KCNH1: variants seen among roughly 807,000 people sequenced by gnomAD.
KCNH1 encodes voltage-gated delayed rectifier potassium channel KCNH1.
Under a neutral mutation model 69.2 loss-of-function variants are expected in KCNH1, and 27 were observed. The observed-to-expected ratio is 0.39, with a 90% CI of 0.29 to 0.54. The LOEUF (loss-of-function observed/expected upper bound fraction) is 0.54. KCNH1 is among the 20% of genes least tolerant of loss of function. The probability of loss-of-function intolerance (pLI) is 0.68; values close to 1 mark genes in which losing one functional copy is unlikely to be tolerated. For synonymous variants in KCNH1, 456 were observed against 487.7 expected (o/e 0.93, Z 0.86); for missense variants, 798 against 1,261.6 (o/e 0.63, Z 5.57).
At position 210,683,744 on chromosome 1, in the gene KCNH1, C is replaced by G; in HGVS notation, c.2507G>C (p.Ser836Thr). ...GGGGDCAKRK[S>T]WARFKDACGK... is the part of the protein sequence containing the mutation. ...GCAAGCATCTTTGAAGCGGGCCCAGCTTTTGCGCTTGGCACAATCGCCCCC... is the reference window on the plus strand; with the variant it reads ...GCAAGCATCTTTGAAGCGGGCCCAGGTTTTGCGCTTGGCACAATCGCCCCC... Residue 836 changes from serine to threonine, a missense_variant, in exon 11 of 11, where the codon AGC becomes ACC. By Grantham distance (58) the Ser-to-Thr change is moderately conservative (BLOSUM62 1). This residue lies in a region of KCNH1 where 331 missense variants were observed against 363.2 expected (regional missense o/e 0.91). Transcript: ENST00000271751. The surrounding 1 kb of genome is among the most constrained non-coding windows in gnomAD (Gnocchi z 5.7). The G allele has an allele frequency of 1.2e-6, 2 of 1,614,170 alleles. No homozygotes were observed. Among genetic ancestry groups the G allele is most frequent in the South Asian group, 1.1e-5 (1 of 91,090 alleles).
chr1:210,842,773 G>A (rs1685438351), intron 7 of KCNH1, among the ~76,000 whole-genome samples: 1 of 151,928 alleles, frequency 6.6e-6, no homozygotes, highest in African/African-American at 2.4e-5. Context: ...TTTACCACTG[G>A]CATTACTGGC....
At chr1:211,093,088 C>T (rs1285966741) in intron 3 of KCNH1, among the ~76,000 whole-genome samples, 1 of 152,188 alleles carries the variant, frequency 6.6e-6, no homozygotes, top group Non-Finnish European at 1.5e-5. Flanking sequence ...GAACCCTCCC[C>T]TCCCAGCTGC....
chr1:210,693,264 A>G (rs1017788942), intron 10 of KCNH1, among the ~76,000 whole-genome samples: 3 of 152,146 alleles, frequency 2.0e-5, no homozygotes, highest in African/African-American at 4.8e-5. Context: ...TTATAAACCA[A>G]TGCTGCTTTT....
At chr1:210,946,081 T>C (rs569138366) in intron 6 of KCNH1, among the ~76,000 whole-genome samples, 12 of 152,362 alleles carry the variant, frequency 7.9e-5, no homozygotes, top group African/African-American at 2.6e-4. Context: ...ATAGCATCCA[T>C]GTAGCACTTC....
chr1:210,861,058 T>C (rs1324559453), intron 7 of KCNH1: 1 of 960,494 alleles, frequency 1.0e-6, no homozygotes, highest in African/African-American at 1.6e-5. Context: ...TCTTTTGAAG[T>C]ACCTCCTTCC....
chr1:211,122,864 C>T (rs1344076930), intron 1 of KCNH1, among the ~76,000 whole-genome samples: 1 of 151,194 alleles, frequency 6.6e-6, no homozygotes, highest in Admixed American at 6.6e-5. Context: ...CAGAATGGGT[C>T]GATAGGTGCA....
chr1:211,050,802 G>A (rs758127807), intron 5 of KCNH1, among the ~76,000 whole-genome samples: 1 of 152,094 alleles, frequency 6.6e-6, no homozygotes, highest in African/African-American at 2.4e-5. Flanking sequence ...ATGAGCAGAG[G>A]AAGGAGTTAA....
In KCNH1 at chr1:210,683,631, G is replaced by A. The variant is rs762954106; in HGVS notation, c.2620C>T (p.Leu874=). 1.1e-5 allele frequency: 18 copies of A among 1,614,098 alleles called. No homozygotes were observed. The highest frequency in any genetic ancestry group is 6.7e-5 in the Admixed American group (4 of 60,012). ...ERTKASGEAT[L]KKTDSCDSGI... ...CTGTCACACGAGTCTGTCTTCTTCAGTGTGGCCTCGCCTGACGCTTTTGTC... is the reference window on the plus strand; with the variant it reads ...CTGTCACACGAGTCTGTCTTCTTCAATGTGGCCTCGCCTGACGCTTTTGTC... The change falls in exon 11 of 11, where the codon CTG becomes TTG. Residue 874 remains leucine (L), a synonymous_variant. Coordinates refer to ENST00000271751, the MANE Select transcript of KCNH1 (RefSeq NM_172362.3). The surrounding 1 kb of genome is among the most constrained non-coding windows in gnomAD (Gnocchi z 5.7).
intron 6 of KCNH1, among the ~76,000 whole-genome samples, chr1:210,931,449 A>C (rs984091676): frequency 2.0e-5 from 3 of 152,142 alleles, no homozygotes; most frequent in African/African-American, 4.8e-5. Flanking sequence ...TCTCACTCAC[A>C]TGTGGGAGCT....
chr1:210,944,018 C>T (rs1687917036), intron 6 of KCNH1, among the ~76,000 whole-genome samples: 1 of 152,096 alleles, frequency 6.6e-6, no homozygotes, highest in South Asian at 2.1e-4. Context: ...AGAAATAAAA[C>T]AAAGTAGGCA....
In KCNH1 at chr1:210,797,706, G is replaced by A. The variant is rs1684345922; in HGVS notation, c.1717C>T (p.Arg573Cys). The A allele has an allele frequency of 4.3e-6, 7 of 1,614,180 alleles. No individual in the cohort carries two copies. The highest frequency in any genetic ancestry group is 5.1e-6 in the Non-Finnish European group (6 of 1,180,024). Reference protein sequence around the residue: ...MRADICVHLNRKVFKEHPAFR... With the variant: ...MRADICVHLNCKVFKEHPAFR... ...GCCGGGTGCTCCTTGAACACCTTGC[G>A]GTTCAGGTGCACGCAGATGTCGGCT... The change falls in exon 9 of 11, where the codon CGC becomes TGC. Residue 573 changes from arginine (R) to cysteine (C), a missense_variant. This residue lies in a region of KCNH1 where 197 missense variants were observed against 407.7 expected (regional missense o/e 0.48). Coordinates refer to ENST00000271751, the MANE Select transcript of KCNH1 (RefSeq NM_172362.3).
intron 10 of KCNH1, among the ~76,000 whole-genome samples, chr1:210,733,153 G>A (rs1251895578): frequency 1.3e-5 from 2 of 152,210 alleles, no homozygotes; most frequent in East Asian, 3.9e-4. Flanking sequence ...CTTTCATATG[G>A]CCTATTTTTT....
chr1:210,757,274 G>A (rs1574237287), intron 10 of KCNH1, among the ~76,000 whole-genome samples: 3 of 152,094 alleles, frequency 2.0e-5, no homozygotes, highest in South Asian at 2.1e-4. Context: ...AGGACTTGAC[G>A]AATGATGGCA....
At chr1:211,004,395 CA>C (rs1238753552) in intron 6 of KCNH1, among the ~76,000 whole-genome samples, 1 of 151,954 alleles carries the variant, frequency 6.6e-6, no homozygotes, top group Non-Finnish European at 1.5e-5. Context: ...AAAATAATAA[CA>C]TATAAGAAAG....
At chr1:210,764,870 A>G (rs915731645) in intron 10 of KCNH1, among the ~76,000 whole-genome samples, 3 of 152,218 alleles carry the variant, frequency 2.0e-5, no homozygotes, top group Admixed American at 2.0e-4. Context: ...ATAAACCCAA[A>G]GGAAAATAAA....
chr1:210,787,621 A>T (rs1235565468), intron 9 of KCNH1, among the ~76,000 whole-genome samples: 1 of 152,184 alleles, frequency 6.6e-6, no homozygotes, highest in African/African-American at 2.4e-5. Flanking sequence ...CTTTGAGGAG[A>T]AGATAGGTCC....
At chr1:210,858,722 G>A (rs1685910751) in intron 7 of KCNH1, 1 of 159,214 alleles carries the variant, frequency 6.3e-6, no homozygotes. Context: ...GGAAGAGACA[G>A]AAATTGGACA....
At chr1:210,964,696 T>C (rs1688365709) in intron 6 of KCNH1, among the ~76,000 whole-genome samples, 1 of 152,176 alleles carries the variant, frequency 6.6e-6, no homozygotes, top group Non-Finnish European at 1.5e-5. Flanking sequence ...GTACCATTCC[T>C]TCTGAAACTA....
chr1:210,956,974 C>T lies in KCNH1; in HGVS notation c.1033-36905G>A, dbSNP rs575852674. ...CTGCTAACTTTTGAATTTGTTTGGT[C>T]TTGCTTCTGTAGTTCTTTTAATTGT... On this transcript the variant is annotated intron_variant, in intron 6 of 10. Transcript: ENST00000271751. Among the ~76,000 whole-genome samples, 13 of 152,140 alleles carry T rather than the reference C, an allele frequency of 8.5e-5. No individual in the cohort carries two copies. The East Asian group carries it at 2.5e-3, about 29-fold the overall frequency.
Sources: allele counts gnomAD v4.1 joint callset (sites outside exome capture counted in the v4.1 genomes callset), GRCh38; gene constraint gnomAD v4.1.1; regional missense constraint gnomAD v4.1.1; non-coding constraint Gnocchi (gnomAD v3.1); transcripts MANE v1.5; gene names NCBI Gene and HGNC (gene_info 2026-07-23, HGNC 2026-07-21).